Variants in CHST13 observed in about 807,000 individuals in gnomAD.
CHST13 encodes the protein carbohydrate sulfotransferase 13.
CHST13 carries 1 observed loss-of-function variant against 7.0 expected under a neutral mutation model. The ratio of observed to expected loss-of-function variants is 0.14; its 90% confidence interval spans 0.05 to 0.68. CHST13 has a LOEUF of 0.68. CHST13 is among the 30% of genes least tolerant of loss of function. The pLI, the probability that CHST13 is intolerant of heterozygous loss-of-function variation, is 0.82. For missense variants in CHST13, 572 were observed against 507.9 expected, an observed-to-expected ratio of 1.13 and a Z score of -1.21; for synonymous variants, 257 against 240.9, an observed-to-expected ratio of 1.07 and a Z score of -0.62.
chr3:126,530,766 G>T (rs991818726), intron 1 of CHST13, among the ~76,000 whole-genome samples: 4 of 152,266 alleles, frequency 2.6e-5, no homozygotes, highest in African/African-American at 9.6e-5. Flanking sequence ...ATGTCCGGCA[G>T]TTCAGATCTC....
At chr3:126,529,266 G>T in intron 1 of CHST13, 1 of 1,230,526 alleles carries the variant, frequency 8.1e-7, no homozygotes, top group Non-Finnish European at 1.1e-6. Flanking sequence ...AACATGACGT[G>T]TGCGGGTGTC....
chr3:126,528,826 G>T (rs970320243), intron 1 of CHST13, among the ~76,000 whole-genome samples: 1 of 152,206 alleles, frequency 6.6e-6, no homozygotes, highest in Admixed American at 6.5e-5. Flanking sequence ...TACATGAAGG[G>T]CTTGTCCAAT....
chr3:126,535,067 G>A (rs1199008223), intron 1 of CHST13, among the ~76,000 whole-genome samples: 18 of 138,920 alleles, frequency 1.3e-4, no homozygotes, highest in Non-Finnish European at 2.5e-4. Context: ...GAGACAGACA[G>A]ACAGCATCCC....
chr3:126,534,100 CTT>C (rs1394821836), intron 1 of CHST13, among the ~76,000 whole-genome samples: 1 of 152,020 alleles, frequency 6.6e-6, no homozygotes, highest in African/African-American at 2.4e-5. Context: ...TAATTTGAGT[CTT>C]TTCTATTTTC....
At position 126,542,406 on chromosome 3, in the gene CHST13, A is replaced by T; in HGVS notation, c.854A>T (p.Asp285Val). 1 of 1,556,408 alleles carries T rather than the reference A, an allele frequency of 6.4e-7. No homozygotes were observed. Among genetic ancestry groups the T allele is most frequent in the Non-Finnish European group, 8.7e-7 (1 of 1,153,750 alleles). Residue 285 changes from aspartate to valine, a missense_variant, in exon 3 of 3, where the codon GAC (aspartate) becomes GTC (valine). By Grantham distance (152) the Asp-to-Val change is radical. Coordinates refer to ENST00000319340, the MANE Select transcript of CHST13 (RefSeq NM_152889.3). ...GTGCTGGGCCTGGCGGGCGCATCCG[A>T]CCTGAGCTTCCCTGGGCCGCCGCGG... ...AFVLGLAGAS[D>V]LSFPGPPRPR...
rs996648340 is a variant in CHST13, at chr3:126,542,544, A to G, written c.992A>G (p.Asn331Ser). The change falls in exon 3 of 3, where the codon AAC (asparagine) becomes AGC (serine). Residue 331 changes from asparagine (N) to serine (S), a missense_variant. Coordinates refer to ENST00000319340, the MANE Select transcript of CHST13 (RefSeq NM_152889.3). The part of the protein sequence containing the change: ...DLYKMDFLLF[N>S]YSAPSYLRLL ...TACAAGATGGACTTCCTGCTTTTCA[A>G]CTACTCCGCCCCCTCCTACCTGCGG... 4.6e-6 allele frequency: 7 copies of G among 1,529,568 alleles called. No individual in the cohort carries two copies. Among genetic ancestry groups the G allele is most frequent in the Non-Finnish European group, 6.1e-6 (7 of 1,143,852 alleles). 94.7% of individuals were successfully genotyped at this position (1,529,568 alleles called of 1,614,324 possible). A position where few individuals can be genotyped will look rare whatever the true frequency, so the allele number is the denominator to read the frequency against.
intron 1 of CHST13, among the ~76,000 whole-genome samples, chr3:126,530,779 ACT>A (rs1936641041): frequency 6.6e-6 from 1 of 152,204 alleles, no homozygotes; most frequent in South Asian, 2.1e-4. Flanking sequence ...CAGATCTCTG[ACT>A]CTGTCTGGAG....
chr3:126,525,280 C>A (rs538995139), intron 1 of CHST13, among the ~76,000 whole-genome samples: 5 of 152,278 alleles, frequency 3.3e-5, no homozygotes, highest in Non-Finnish European at 5.9e-5. Context: ...GAATCCTGGG[C>A]CCCACCCTTG....
At chr3:126,539,765 CACACACAG>C in intron 2 of CHST13, among the ~76,000 whole-genome samples, 1 of 81,956 alleles carries the variant, frequency 1.2e-5, no homozygotes. Flanking sequence ...CTCCACACCA[CACACACAG>C]CACACACACA....
intron 1 of CHST13, chr3:126,529,143 C>A: frequency 2.7e-6 from 1 of 373,454 alleles, no homozygotes; most frequent in Non-Finnish European, 4.8e-6. Context: ...CTGCACAGGG[C>A]GCGAGCCCTG....
chr3:126,540,872 A>T (rs929291110), intron 2 of CHST13, among the ~76,000 whole-genome samples: 1 of 152,176 alleles, frequency 6.6e-6, no homozygotes, highest in Non-Finnish European at 1.5e-5. Context: ...CCAATTCCTA[A>T]TTGTCTTTTT....
intron 1 of CHST13, among the ~76,000 whole-genome samples, chr3:126,534,094 T>G (rs1936713474): frequency 6.6e-6 from 1 of 152,178 alleles, no homozygotes; most frequent in Admixed American, 6.5e-5. Context: ...TTTTAGTAAT[T>G]TGAGTCTTTT....
At chr3:126,530,288 ACCCACTGGCCCCTGGGGGCTGTTATGG>A (rs1560137270) in intron 1 of CHST13, among the ~76,000 whole-genome samples, 1 of 151,968 alleles carries the variant, frequency 6.6e-6, no homozygotes, top group African/African-American at 2.4e-5. Flanking sequence ...TTTCCCTTCT[ACCCACTGGCCCCTGGGGGCTGTTATGG>A]TACCCACTTT....
chr3:126,538,315 T>C (rs1936842285), intron 2 of CHST13, among the ~76,000 whole-genome samples: 1 of 152,236 alleles, frequency 6.6e-6, no homozygotes, highest in South Asian at 2.1e-4. Context: ...CTGCCAGGGC[T>C]GCAGACACCT....
intron 1 of CHST13, among the ~76,000 whole-genome samples, chr3:126,535,990 G>A (rs1290488707): frequency 6.6e-6 from 1 of 152,196 alleles, no homozygotes; most frequent in Non-Finnish European, 1.5e-5. Context: ...GGTGGGCTGG[G>A]TATCACCTTC....
chr3:126,529,790 T>G (rs1011257444), intron 1 of CHST13, among the ~76,000 whole-genome samples: 1 of 152,178 alleles, frequency 6.6e-6, no homozygotes, highest in African/African-American at 2.4e-5. Context: ...TTCTCTCCCC[T>G]GTCTCCCTAA....
intron 1 of CHST13, among the ~76,000 whole-genome samples, chr3:126,525,912 C>T (rs1417940638): frequency 6.6e-6 from 1 of 152,158 alleles, no homozygotes; most frequent in African/African-American, 2.4e-5. Flanking sequence ...TTCCTTCTGA[C>T]CTCCCTCCCT....
At chr3:126,530,176 C>T (rs1421716411) in intron 1 of CHST13, among the ~76,000 whole-genome samples, 1 of 152,246 alleles carries the variant, frequency 6.6e-6, no homozygotes, top group Admixed American at 6.5e-5. Flanking sequence ...GCCCAGGCTC[C>T]TCGGGGCAGG....
chr3:126,529,282 T>A (rs770280860), intron 1 of CHST13: 1 of 1,276,692 alleles, frequency 7.8e-7, no homozygotes, highest in Non-Finnish European at 1.0e-6. Context: ...GTGTCCTGTG[T>A]GCAGCAATCG....
Sources: allele counts gnomAD v4.1 joint callset (sites outside exome capture counted in the v4.1 genomes callset), GRCh38; gene constraint gnomAD v4.1.1; transcripts MANE v1.5; gene names NCBI Gene and HGNC (gene_info 2026-07-23, HGNC 2026-07-21).